Variants in ATP4B observed in about 807,000 individuals in gnomAD.
ATP4B encodes potassium-transporting ATPase subunit beta.
Under a neutral mutation model 35.3 loss-of-function variants are expected in ATP4B, and 27 were observed. The ratio of observed to expected loss-of-function variants is 0.76; its 90% CI spans 0.56 to 1.05. The LOEUF (loss-of-function observed/expected upper bound fraction) is 1.05, where lower values mean the gene tolerates loss of function less well. Among genes scored for constraint, ATP4B ranks in the 50% least tolerant of loss-of-function variants. The probability of loss-of-function intolerance (pLI) is 0.00; values close to 1 mark genes in which losing one functional copy is unlikely to be tolerated. For missense variants in ATP4B, 375 were observed against 384.8 expected, an observed-to-expected ratio of 0.97 and a Z score of 0.21; for synonymous variants, 162 against 156.0, an observed-to-expected ratio of 1.04 and a Z score of -0.29.
chr13:113,656,115 C>T (rs866364213), intron 1 of ATP4B, among the ~76,000 whole-genome samples: 1 of 152,240 alleles, frequency 6.6e-6, no homozygotes, highest in Non-Finnish European at 1.5e-5. Flanking sequence ...GAGTTTCCAG[C>T]TTCAGCAGTG....
At chr13:113,657,250 T>C (rs2049762062) in intron 1 of ATP4B, among the ~76,000 whole-genome samples, 1 of 152,096 alleles carries the variant, frequency 6.6e-6, no homozygotes, top group South Asian at 2.1e-4. Context: ...GGGCCTGACC[T>C]TCCCTGGGAG....
Position 113,651,736 on chromosome 13 carries a change from G to A in ATP4B, c.556-9C>T. 6.2e-7 allele frequency: 1 copy of A among 1,613,472 alleles called. No individual in the cohort carries two copies. The highest frequency in any genetic ancestry group is 8.5e-7 in the Non-Finnish European group (1 of 1,179,714). ...GGGAGGAACTTGACGATCTAGAAGG[G>A]AAAAGCTTGAGCGTGGCCGCTCCCC... On this transcript the variant is annotated splice_polypyrimidine_tract_variant and intron_variant, in intron 4 of 6. Transcript: ENST00000335288.
At position 113,649,139 on chromosome 13, in the gene ATP4B, C is replaced by G. The variant is rs541141779; in HGVS notation, c.*235G>C. On this transcript the variant is annotated 3_prime_UTR_variant, in exon 7 of 7. Coordinates refer to ENST00000335288, the MANE Select transcript of ATP4B (RefSeq NM_000705.4). The surrounding 1 kb of genome is among the most constrained non-coding windows in gnomAD (Gnocchi z 4.7). ...TGCGTTCCCATGGTAGCTGGACATT[C>G]TTATAGCAGCAAATTCCATCTAAAA... 7.7e-4 allele frequency: 305 copies of G among 396,434 alleles called. 2 individuals carry two copies. The highest frequency in any genetic ancestry group is 1.5e-3 in the South Asian group (39 of 26,420). 24.6% of individuals were successfully genotyped at this position (396,434 alleles called of 1,614,324 possible).
Position 113,650,304 on chromosome 13 carries a change from T to G in ATP4B, c.714+102A>C. On this transcript the variant is annotated intron_variant, in intron 6 of 6. Transcript: ENST00000335288. The surrounding 1 kb of genome is among the most constrained non-coding windows in gnomAD (Gnocchi z 5.0). ...AGTCAGGACCGGCTAAGTCACACCT[T>G]TGTTTCATTTTTCTACATGAAGGGG... 3.5e-6 allele frequency: 4 copies of G among 1,144,310 alleles called. No individual in the cohort carries two copies. The highest frequency in any genetic ancestry group is 5.2e-6 in the Non-Finnish European group (4 of 773,358). The allele number at this position is 1,144,310 out of a possible 1,614,324, so 70.9% of individuals were successfully genotyped here. A position where few individuals can be genotyped will look rare whatever the true frequency, so the allele number is the denominator to read the frequency against.
rs1247099304 is a variant in ATP4B at position 113,649,445 on chromosome 13, GCTCC to G, written c.801_804del (p.Glu268ThrfsTer2). 1 of 1,577,172 alleles carries G rather than the reference GCTCC, an allele frequency of 6.3e-7. No homozygotes were observed. Among genetic ancestry groups the G allele is most frequent in the Admixed American group, 1.8e-5 (1 of 55,920 alleles). On this transcript the variant is annotated frameshift_variant, in exon 7 of 7. Coordinates refer to ENST00000335288, the MANE Select transcript of ATP4B (RefSeq NM_000705.4). LOFTEE classifies it high-confidence loss of function. The surrounding 1 kb of genome is among the most constrained non-coding windows in gnomAD (Gnocchi z 4.7). ...TCGTGGGGATTGTTGAAGGTCACGT[GCTCC>G]GCCATGACCTTGCACACGATGGCGA...
In ATP4B at chr13:113,653,307, G is replaced by T. The variant is rs558936934; in HGVS notation, c.355+14C>A. ...CCCGCCGCTTCACACCTCACCTGCC[G>T]TTTCACACCTCACCTGCTAGGAAGG... On this transcript the variant is annotated intron_variant, in intron 3 of 6. Coordinates refer to ENST00000335288, the MANE Select transcript of ATP4B (RefSeq NM_000705.4). 5.0e-6 allele frequency: 8 copies of T among 1,593,988 alleles called. No homozygotes were observed. The highest frequency in any genetic ancestry group is 1.4e-5 in the African/African-American group (1 of 73,476).
At chr13:113,657,272 A>G (rs9670223) in intron 1 of ATP4B, among the ~76,000 whole-genome samples, 98,409 of 152,096 alleles carry the variant, frequency 0.65, 32,371 homozygotes, top group African/African-American at 0.78. Context: ...CGGGGACGGC[A>G]CCAGGCCAGC....
intron 1 of ATP4B, among the ~76,000 whole-genome samples, chr13:113,657,302 C>T (rs185482996): frequency 4.7e-4 from 71 of 152,342 alleles, no homozygotes; most frequent in African/African-American, 1.6e-3. Context: ...CGCATCCCGA[C>T]GCCCAGGGGT....
intron 1 of ATP4B, among the ~76,000 whole-genome samples, chr13:113,657,028 C>A (rs988582025): frequency 8.5e-5 from 13 of 152,248 alleles, no homozygotes; most frequent in African/African-American, 3.1e-4. Flanking sequence ...GCGCCCATGA[C>A]TCCAGCTGGC....
At position 113,649,906 on chromosome 13, in the gene ATP4B, T is replaced by G. The variant is rs2049698815; in HGVS notation, c.715-371A>C. ...GGCTGGGCGCAGTGGCTCATGCCTG[T>G]AATCCTAGCACTTTGGGAGCCTGAG... On this transcript the variant is annotated intron_variant, in intron 6 of 6. Coordinates refer to ENST00000335288, the MANE Select transcript of ATP4B (RefSeq NM_000705.4). This position sits in a 1 kb window ranked among gnomAD's most constrained non-coding sequence, Gnocchi z 4.7. Among the ~76,000 whole-genome samples, 1 of 152,208 alleles carries G rather than the reference T, an allele frequency of 6.6e-6. No homozygotes were observed. Among genetic ancestry groups the G allele is most frequent in the African/African-American group, 2.4e-5 (1 of 41,434 alleles).
At position 113,649,547 on chromosome 13, in the gene ATP4B, G is replaced by A; in HGVS notation, c.715-12C>T. 6.7e-7 allele frequency: 1 copy of A among 1,498,824 alleles called. No homozygotes were observed. Among genetic ancestry groups the A allele is most frequent in the Non-Finnish European group, 8.9e-7 (1 of 1,119,566 alleles). The allele number at this position is 1,498,824 out of a possible 1,614,324, so 92.8% of individuals were successfully genotyped here. A position where few individuals can be genotyped will look rare whatever the true frequency, so the allele number is the denominator to read the frequency against. ...TTGCTGTAGTGGGGCTGAAGTGGGA[G>A]TGAGGAAAGGACAGGTGTTTCAAAA... On this transcript the variant is annotated splice_polypyrimidine_tract_variant and intron_variant, in intron 6 of 6. Transcript: ENST00000335288. This position sits in a 1 kb window ranked among gnomAD's most constrained non-coding sequence, Gnocchi z 4.7.
rs141704998 is a variant in ATP4B, at chr13:113,653,456, C to T, written c.242-22G>A. The stretch of plus-strand genomic sequence containing the variant: ...ACCCCTGGAGAGAGAGACCTTTGTG[C>T]TTAGCGTCTCCAAATGCTCACCACA... On this transcript the variant is annotated intron_variant, in intron 2 of 6. Transcript: ENST00000335288. The T allele has an allele frequency of 5.6e-6, 9 of 1,596,706 alleles. No individual in the cohort carries two copies. The African/African-American group carries it at 1.2e-4, about 21-fold the overall frequency.
At position 113,650,535 on chromosome 13, in the gene ATP4B, C is replaced by A; in HGVS notation, c.613-28G>T. ...GGGGAGGAGAGGCCACTGCCTGAGT[C>A]AGGCGGGAGCTGGTGTGTGCCGGTG... On this transcript the variant is annotated intron_variant, in intron 5 of 6. Coordinates refer to ENST00000335288, the MANE Select transcript of ATP4B (RefSeq NM_000705.4). This position sits in a 1 kb window ranked among gnomAD's most constrained non-coding sequence, Gnocchi z 5.0. 1.3e-6 allele frequency: 2 copies of A among 1,584,468 alleles called. No homozygotes were observed. The highest frequency in any genetic ancestry group is 1.1e-5 in the South Asian group (1 of 87,950).
intron 2 of ATP4B, 150 bp downstream of exon 2, chr13:113,654,664 C>T: frequency 7.9e-7 from 1 of 1,272,364 alleles, no homozygotes. Flanking sequence ...GGGGCACCTG[C>T]TGGGGTGTGT....
intron 1 of ATP4B, among the ~76,000 whole-genome samples, chr13:113,657,165 T>C (rs541740795): frequency 1.1e-3 from 173 of 151,918 alleles, no homozygotes; most frequent in African/African-American, 3.9e-3. Context: ...CACACACAGG[T>C]GGGGCGGGCC....
rs193141905 is a variant in ATP4B, at chr13:113,652,764, C to T, written c.555+109G>A. 367 of 1,317,906 alleles carry T rather than the reference C, an allele frequency of 2.8e-4. 2 individuals are homozygous for T. The East Asian group carries it at 5.1e-3, about 18-fold the overall frequency. 81.6% of individuals were successfully genotyped at this position (1,317,906 alleles called of 1,614,324 possible). A position where few individuals can be genotyped will look rare whatever the true frequency, so the allele number is the denominator to read the frequency against. ...GGTGGTGAGGCTGGAGTCCCTGTCC[C>T]GCTTGGGCAAGCCCCAGACAGGACA... is the stretch of plus-strand genomic sequence containing the variant. On this transcript the variant is annotated intron_variant, in intron 4 of 6. Transcript: ENST00000335288.
chr13:113,650,174 A>C lies in ATP4B; in HGVS notation c.714+232T>G, dbSNP rs1256929654. ...TGACAGAGCAAGACTGTCTCAAAAA[A>C]AAAAAAAAAAGTTGAAGAGTTAGAG... On this transcript the variant is annotated intron_variant, in intron 6 of 6. Transcript: ENST00000335288. The surrounding 1 kb of genome is among the most constrained non-coding windows in gnomAD (Gnocchi z 5.0). Among the ~76,000 whole-genome samples, 2 of 152,092 alleles carry C rather than the reference A, an allele frequency of 1.3e-5. No individual in the cohort carries two copies. Among genetic ancestry groups the C allele is most frequent in the African/African-American group, 4.8e-5 (2 of 41,356 alleles).
Position 113,658,073 on chromosome 13 carries a change from C to T in ATP4B, c.72G>A (p.Pro24=), listed in dbSNP as rs778736782. Residue 24 remains proline (P), a synonymous_variant, in exon 1 of 7, where the codon CCG becomes CCA. Coordinates refer to ENST00000335288, the MANE Select transcript of ATP4B (RefSeq NM_000705.4). ...TGCGGCCCAGCATCTGCCCCGTGTC[C>T]GGGTTCCAGCAGTAACGCTGGAACT... ...MEEFQRYCWN[P]DTGQMLGRTL... 19 of 1,611,058 alleles carry T rather than the reference C, an allele frequency of 1.2e-5. No individual in the cohort carries two copies. Among genetic ancestry groups the T allele is most frequent in the Admixed American group, 8.4e-5 (5 of 59,822 alleles).
chr13:113,658,149 C>T lies in ATP4B; in HGVS notation c.-5G>A. 2 of 1,610,558 alleles carry T rather than the reference C, an allele frequency of 1.2e-6. No individual in the cohort carries two copies. The highest frequency in any genetic ancestry group is 2.2e-5 in the East Asian group (1 of 44,760). ...CTTCTCCTGCAGAGCCGCCATCGTC[C>T]CTGGCCTGAGATCCTCCCGTCTGCT... On this transcript the variant is annotated 5_prime_UTR_variant, in exon 1 of 7. Transcript: ENST00000335288.
Sources: allele counts gnomAD v4.1 joint callset (sites outside exome capture counted in the v4.1 genomes callset), GRCh38; gene constraint gnomAD v4.1.1; non-coding constraint Gnocchi (gnomAD v3.1); transcripts MANE v1.5; gene names NCBI Gene and HGNC (gene_info 2026-07-23, HGNC 2026-07-21).